Variants in DBX2 observed in about 807,000 individuals in gnomAD.
DBX2 encodes the protein developing brain homeobox 2.
A neutral mutation model predicts 17.7 loss-of-function variants in DBX2; 16 were observed. The ratio of observed to expected loss-of-function variants is 0.90; its 90% CI spans 0.61 to 1.37. DBX2 has a LOEUF of 1.37. Among genes scored for constraint, DBX2 ranks in the 40% most tolerant of loss-of-function variants. DBX2 has a pLI of 0.00. For synonymous variants in DBX2, 255 were observed against 183.8 expected, an observed-to-expected ratio of 1.39 and a Z score of -3.13; for missense variants, 538 against 433.8, an observed-to-expected ratio of 1.24 and a Z score of -2.13.
rs1051942271 is a variant in DBX2, at chr12:45,042,414, G to C, written c.404-6300C>G. The stretch of plus-strand genomic sequence containing the variant: ...AAGTACTTGGAAGGGCAAAAGAAGA[G>C]AATGAAACCATTCCAAGAAGAAAAG... On this transcript the variant is annotated intron_variant, in intron 1 of 3. Coordinates refer to ENST00000332700, the MANE Select transcript of DBX2 (RefSeq NM_001004329.3). 3.3e-5 allele frequency among the ~76,000 whole-genome samples: 5 copies of C among 152,300 alleles called. No individual in the cohort carries two copies. In the East Asian group the frequency reaches 9.6e-4, roughly 29 times the overall value.
chr12:45,049,621 C>A (rs1401099637), intron 1 of DBX2, among the ~76,000 whole-genome samples: 1 of 148,502 alleles, frequency 6.7e-6, no homozygotes, highest in African/African-American at 2.5e-5. Flanking sequence ...ACAAACCCAT[C>A]GGGATTAAAA....
intron 1 of DBX2, among the ~76,000 whole-genome samples, chr12:45,042,134 A>C (rs1454251023): frequency 6.6e-6 from 1 of 152,140 alleles, no homozygotes; most frequent in Non-Finnish European, 1.5e-5. Context: ...AGGTGATTAT[A>C]ATATAAAGCA....
intron 2 of DBX2, among the ~76,000 whole-genome samples, chr12:45,025,327 G>C (rs1946375802): frequency 6.6e-6 from 1 of 152,106 alleles, no homozygotes; most frequent in Admixed American, 6.5e-5. Flanking sequence ...AATGCAGGCA[G>C]CCTCAAGAAG....
chr12:45,051,011 C>G lies in DBX2; in HGVS notation c.-84G>C. 1 of 1,307,446 alleles carries G rather than the reference C, an allele frequency of 7.6e-7. No individual in the cohort carries two copies. The highest frequency in any genetic ancestry group is 9.7e-7 in the Non-Finnish European group (1 of 1,032,172). 81.0% of individuals were successfully genotyped at this position (1,307,446 alleles called of 1,614,324 possible). ...CCCCGCACCGCACCCAGAGCCGCAGCTTCTCGCCGCCGCCTCCCGCAGGGC... is the reference window on the plus strand; with the variant it reads ...CCCCGCACCGCACCCAGAGCCGCAGGTTCTCGCCGCCGCCTCCCGCAGGGC... On this transcript the variant is annotated 5_prime_UTR_variant, in exon 1 of 4. Coordinates refer to ENST00000332700, the MANE Select transcript of DBX2 (RefSeq NM_001004329.3).
chr12:45,046,134 T>C (rs1373007097), intron 1 of DBX2, among the ~76,000 whole-genome samples: 3 of 152,178 alleles, frequency 2.0e-5, no homozygotes, highest in Non-Finnish European at 4.4e-5. Context: ...TTGGTTCTAA[T>C]AGTCTCTTTT....
intron 2 of DBX2, among the ~76,000 whole-genome samples, chr12:45,029,907 T>TAAATAAATAAATAA (rs1392225951): frequency 4.9e-5 from 7 of 143,558 alleles, no homozygotes; most frequent in East Asian, 2.3e-4. Context: ...AATAAATAAA[T>TAAATAAATAAATAA]AAATAAAAAT....
chr12:45,041,678 A>T (rs76786796), intron 1 of DBX2, among the ~76,000 whole-genome samples: 2 of 152,132 alleles, frequency 1.3e-5, no homozygotes, highest in Non-Finnish European at 2.9e-5. Flanking sequence ...TCATGAGAAG[A>T]TATATCAAGT....
At chr12:45,032,670 A>T (rs1946416562) in intron 2 of DBX2, among the ~76,000 whole-genome samples, 1 of 152,220 alleles carries the variant, frequency 6.6e-6, no homozygotes, top group South Asian at 2.1e-4. Flanking sequence ...TGTAGAATAT[A>T]AGTTCATCTC....
At chr12:45,018,708 A>G (rs1249947713) in intron 3 of DBX2, among the ~76,000 whole-genome samples, 1 of 152,126 alleles carries the variant, frequency 6.6e-6, no homozygotes. Context: ...TCGCAGCAGC[A>G]TTATTCACAA....
intron 2 of DBX2, among the ~76,000 whole-genome samples, chr12:45,031,749 T>A (rs1217729580): frequency 6.6e-6 from 1 of 152,226 alleles, no homozygotes. Flanking sequence ...CTCTGATGTC[T>A]CTTGTTCTGG....
At chr12:45,030,888 A>G (rs1439666979) in intron 2 of DBX2, among the ~76,000 whole-genome samples, 1 of 152,192 alleles carries the variant, frequency 6.6e-6, no homozygotes, top group African/African-American at 2.4e-5. Flanking sequence ...TCATCCTTTT[A>G]TATAGATTCA....
intron 2 of DBX2, among the ~76,000 whole-genome samples, chr12:45,024,387 A>C (rs1441104109): frequency 6.6e-6 from 1 of 152,164 alleles, no homozygotes; most frequent in East Asian, 1.9e-4. Context: ...TAGCAGCATG[A>C]GAACAGACTA....
intron 2 of DBX2, among the ~76,000 whole-genome samples, chr12:45,031,221 TGTGTGAGAGAGAGAGAGA>T (rs1469167498): frequency 1.1e-4 from 7 of 64,048 alleles, no homozygotes; most frequent in African/African-American, 4.4e-4. Context: ...TGTGTGTGTG[TGTGTGAGAGAGAGAGAGA>T]GAGAGAGAGA....
chr12:45,015,794 G>A lies in DBX2; in HGVS notation c.*492C>T, dbSNP rs1592748736. ...GGATACCAAAAGAAGTCAGAAAATA[G>A]AGAATTTTTAAAAACATGTTTTTGG... On this transcript the variant is annotated 3_prime_UTR_variant, in exon 4 of 4. Coordinates refer to ENST00000332700, the MANE Select transcript of DBX2 (RefSeq NM_001004329.3). 1 of 152,146 alleles carries A rather than the reference G, an allele frequency of 6.6e-6. No individual in the cohort carries two copies. The highest frequency in any genetic ancestry group is 1.5e-5 in the Non-Finnish European group (1 of 68,036). The allele number at this position is 152,146 out of a possible 1,614,324, so 9.4% of individuals were successfully genotyped here.
In DBX2 at chr12:45,016,361, A is replaced by C; in HGVS notation, c.945T>G (p.Asn315Lys). ...ESSGAPPPEA[N>K]SLQGALYLCS... ...ATAAATATAAGGCACCTTGCAGTGA[A>C]TTTGCTTCTGGGGGTGGTGCCCCTG... Residue 315 changes from asparagine to lysine, a missense_variant, in exon 4 of 4, where the codon AAT becomes AAG. Physicochemically the swap from Asn to Lys is moderately conservative, Grantham distance 94 (BLOSUM62 0). Coordinates refer to ENST00000332700, the MANE Select transcript of DBX2 (RefSeq NM_001004329.3). 1 of 1,612,948 alleles carries C rather than the reference A, an allele frequency of 6.2e-7. No homozygotes were observed. The highest frequency in any genetic ancestry group is 8.5e-7 in the Non-Finnish European group (1 of 1,179,642).
chr12:45,050,852 G>T lies in DBX2; in HGVS notation c.76C>A (p.Pro26Thr), dbSNP rs753452194. 3.9e-6 allele frequency: 6 copies of T among 1,537,866 alleles called. No homozygotes were observed. The South Asian group carries it at 6.1e-5, about 16-fold the overall frequency. Reference sequence around the variant, plus strand: ...AGGTTGCCAAAGCCGGGCGCAGCGGGGAGGTTGAGGAGCGCGGAGGAAGCC... The same window carrying T: ...AGGTTGCCAAAGCCGGGCGCAGCGGTGAGGTTGAGGAGCGCGGAGGAAGCC... ...VVASSALLNL[P>T]AAPGFGNLGK... The change falls in exon 1 of 4, where the codon CCC (proline) becomes ACC (threonine). Residue 26 changes from proline (P) to threonine (T), a missense_variant. Pro to Thr is a conservative substitution (Grantham distance 38). Transcript: ENST00000332700.
In DBX2 at chr12:45,050,924, G is replaced by A. The variant is rs1009389571; in HGVS notation, c.4C>T (p.Leu2Phe). The change falls in exon 1 of 4, where the codon CTC (leucine) becomes TTC (phenylalanine). Residue 2 changes from leucine to phenylalanine, a missense_variant. By Grantham distance (22) the Leu-to-Phe change is conservative. Coordinates refer to ENST00000332700, the MANE Select transcript of DBX2 (RefSeq NM_001004329.3). M[L>F]PSAVAAHAGA... ...GCGTGGGCTGCGACCGCGCTGGGGA[G>A]CATAGTGCGGCGCCAACCGGTCTGC... The A allele has an allele frequency of 1.0e-5, 15 of 1,479,460 alleles. No homozygotes were observed. Among genetic ancestry groups the A allele is most frequent in the Non-Finnish European group, 1.3e-5 (14 of 1,114,446 alleles). The allele number at this position is 1,479,460 out of a possible 1,614,324, so 91.6% of individuals were successfully genotyped here.
At chr12:45,040,580 T>C (rs886118338) in intron 1 of DBX2, among the ~76,000 whole-genome samples, 1 of 152,136 alleles carries the variant, frequency 6.6e-6, no homozygotes, top group African/African-American at 2.4e-5. Context: ...ACTTTCCGTA[T>C]GACTTATTTG....
At chr12:45,049,849 T>A (rs553264860) in intron 1 of DBX2, among the ~76,000 whole-genome samples, 1 of 152,320 alleles carries the variant, frequency 6.6e-6, no homozygotes, top group African/African-American at 2.4e-5. Flanking sequence ...CAAACTGCCC[T>A]TCTTTCGGTA....
Sources: allele counts gnomAD v4.1 joint callset (sites outside exome capture counted in the v4.1 genomes callset), GRCh38; gene constraint gnomAD v4.1.1; transcripts MANE v1.5; gene names NCBI Gene and HGNC (gene_info 2026-07-23, HGNC 2026-07-21).